Variants in MTA3 observed in about 807,000 individuals in gnomAD.
MTA3 encodes metastasis associated 1 family member 3, also known as metastasis-associated protein MTA3.
In MTA3, 34 loss-of-function variants were observed where a neutral mutation model predicts 83.5. That is an observed-to-expected ratio of 0.41 (90% CI 0.31 to 0.54). MTA3 has a LOEUF of 0.54. Ranked by LOEUF, MTA3 falls within the 20% of genes least tolerant of loss-of-function variation. The pLI, the probability that MTA3 is intolerant of heterozygous loss-of-function variation, is 0.33. For missense variants in MTA3, 761 were observed against 726.4 expected, an observed-to-expected ratio of 1.05 and a Z score of -0.55; for synonymous variants, 303 against 252.7, an observed-to-expected ratio of 1.20 and a Z score of -1.89.
At chr2:42,671,015 G>C (rs915478987) in intron 8 of MTA3, among the ~76,000 whole-genome samples, 1 of 151,678 alleles carries the variant, frequency 6.6e-6, no homozygotes, top group African/African-American at 2.4e-5. Context: ...AGATTTCCTT[G>C]TGAATCACTT....
intron 3 of MTA3, among the ~76,000 whole-genome samples, chr2:42,594,691 C>CATATATAAATATGCATATATAT (rs1558472711): frequency 2.4e-5 from 2 of 83,832 alleles, no homozygotes; most frequent in Admixed American, 1.9e-4. Context: ...TACATATATA[C>CATATATAAATATGCATATATAT]ATATATAAAT....
intron 4 of MTA3, among the ~76,000 whole-genome samples, chr2:42,637,243 A>T (rs1441699525): frequency 1.3e-5 from 2 of 152,190 alleles, no homozygotes; most frequent in Non-Finnish European, 2.9e-5. Context: ...TGTGTAGAAA[A>T]GTAGTACGAG....
intron 2 of MTA3, among the ~76,000 whole-genome samples, chr2:42,518,106 G>A (rs990053037): frequency 1.3e-5 from 2 of 151,790 alleles, no homozygotes; most frequent in Non-Finnish European, 2.9e-5. Context: ...GCTTGAACCC[G>A]GGAGGCAGAG....
At chr2:42,685,826 T>C (rs1692321754) in intron 9 of MTA3, among the ~76,000 whole-genome samples, 1 of 151,982 alleles carries the variant, frequency 6.6e-6, no homozygotes, top group Admixed American at 6.6e-5. Flanking sequence ...TGGTAGTTGT[T>C]GTTTTTAAAT....
At chr2:42,646,927 C>T (rs1375354866) in intron 6 of MTA3, among the ~76,000 whole-genome samples, 2 of 152,012 alleles carry the variant, frequency 1.3e-5, no homozygotes. Flanking sequence ...GAGGTCGAGG[C>T]AGGCGGATCA....
At chr2:42,686,521 TAA>T (rs55755916) in intron 9 of MTA3, among the ~76,000 whole-genome samples, 81 of 148,426 alleles carry the variant, frequency 5.5e-4, no homozygotes, top group Non-Finnish European at 3.9e-4. Context: ...CTCTGCCTCT[TAA>T]AAAAAAAAAA....
At chr2:42,646,787 C>T (rs547281256) in intron 6 of MTA3, among the ~76,000 whole-genome samples, 15 of 152,138 alleles carry the variant, frequency 9.9e-5, no homozygotes, top group Non-Finnish European at 1.5e-4. Flanking sequence ...GAAATGGCAA[C>T]GAAGGATTTG....
At chr2:42,654,243 A>G (rs138350367) in intron 6 of MTA3, among the ~76,000 whole-genome samples, 90 of 152,308 alleles carry the variant, frequency 5.9e-4, no homozygotes, top group Non-Finnish European at 1.1e-3. Flanking sequence ...GCCTGACTTA[A>G]GAGGCTGCAG....
At chr2:42,549,547 AAT>A (rs1491270362) in intron 2 of MTA3, among the ~76,000 whole-genome samples, 18 of 112,316 alleles carry the variant, frequency 1.6e-4, no homozygotes, top group East Asian at 6.6e-4. Context: ...TATATTACAT[AAT>A]ATATATTATA....
At chr2:42,510,925 G>A (rs1233046219) in intron 2 of MTA3, among the ~76,000 whole-genome samples, 1 of 152,208 alleles carries the variant, frequency 6.6e-6, no homozygotes, top group Non-Finnish European at 1.5e-5. Flanking sequence ...TCCCCACTGT[G>A]TCCTATCCAT....
At chr2:42,553,870 CAAAA>C (rs34637052) in intron 2 of MTA3, among the ~76,000 whole-genome samples, 3 of 90,258 alleles carry the variant, frequency 3.3e-5, no homozygotes, top group Non-Finnish European at 2.1e-5. Flanking sequence ...GACTCCATCT[CAAAA>C]AAAAAAAAAA....
chr2:42,576,947 A>C (rs552600325), intron 2 of MTA3, among the ~76,000 whole-genome samples: 1 of 151,032 alleles, frequency 6.6e-6, no homozygotes, highest in East Asian at 1.9e-4. Context: ...GAAAATACTT[A>C]CTTTGTTCTG....
At chr2:42,587,578 C>G (rs189101522) in intron 3 of MTA3, among the ~76,000 whole-genome samples, 11 of 151,608 alleles carry the variant, frequency 7.3e-5, no homozygotes, top group Admixed American at 6.6e-4. Context: ...TCTCGATTTT[C>G]CCTTCTTTTA....
intron 11 of MTA3, among the ~76,000 whole-genome samples, chr2:42,700,054 A>G (rs1031944055): frequency 1.9e-4 from 29 of 152,008 alleles, no homozygotes; most frequent in Non-Finnish European, 4.3e-4. Context: ...GAGATTTAAC[A>G]GTGTTGGATG....
chr2:42,601,364 C>T (rs1023640646), intron 3 of MTA3, among the ~76,000 whole-genome samples: 1 of 152,166 alleles, frequency 6.6e-6, no homozygotes, highest in African/African-American at 2.4e-5. Context: ...GAGGCAAGAC[C>T]TTTTTGTGTA....
At chr2:42,570,623 G>C (rs1343682711) in intron 2 of MTA3, 119 bp downstream of exon 2, 2 of 512,980 alleles carry the variant, frequency 3.9e-6, no homozygotes, top group South Asian at 1.1e-4. Flanking sequence ...AAATTGGGAG[G>C]CCTGGCGAGT....
rs62142744 is a variant in MTA3 at position 42,635,797 on chromosome 2, C to T, written c.318-4376C>T. The stretch of plus-strand genomic sequence containing the variant: ...GTTTTTTTTTCCCAAGACAGAATTT[C>T]ACTCTGTCACCCAGGCTCGAGTGCA... On this transcript the variant is annotated intron_variant, in intron 4 of 16. Transcript: ENST00000405094. 9.7e-3 allele frequency among the ~76,000 whole-genome samples: 1,478 copies of T among 152,072 alleles called. 16 individuals are homozygous for T. The highest frequency in any genetic ancestry group is 0.016 in the Non-Finnish European group (1,090 of 67,968).
At chr2:42,588,417 T>A (rs1030325191) in intron 3 of MTA3, among the ~76,000 whole-genome samples, 8 of 152,190 alleles carry the variant, frequency 5.3e-5, no homozygotes, top group Non-Finnish European at 8.8e-5. Flanking sequence ...TATAAAGGTG[T>A]CAGTTCTTTG....
intron 3 of MTA3, among the ~76,000 whole-genome samples, chr2:42,579,781 C>T (rs578068980): frequency 1.3e-5 from 2 of 152,048 alleles, no homozygotes; most frequent in East Asian, 3.9e-4. Flanking sequence ...GAACCCTAGG[C>T]CTCAAGTAAT....
Sources: gnomAD v4.1 joint callset for allele counts (sites outside exome capture counted in the v4.1 genomes callset) on GRCh38, gnomAD v4.1.1 for gene constraint, MANE v1.5 for transcripts, NCBI Gene and HGNC (gene_info 2026-07-23, HGNC 2026-07-21) for gene names.